Variants in NREP observed in about 807,000 individuals in gnomAD.
NREP encodes the protein neuronal regeneration related protein, also known as neuronal regeneration-related protein.
A neutral mutation model predicts 8.6 loss-of-function variants in NREP; 5 were observed. The observed-to-expected ratio is 0.58, with a 90% CI of 0.30 to 1.22. The LOEUF is 1.22. Among genes scored for constraint, NREP ranks in the 50% most tolerant of loss-of-function variants. The probability of loss-of-function intolerance (pLI) is 0.07; values close to 1 mark genes in which losing one functional copy is unlikely to be tolerated. For synonymous variants in NREP, 27 were observed against 28.0 expected, an observed-to-expected ratio of 0.96 and a Z score of 0.11; for missense variants, 86 against 82.5, an observed-to-expected ratio of 1.04 and a Z score of -0.17.
chr5:111,816,915 T>C (rs1192264882), intron 2 of NREP, among the ~76,000 whole-genome samples: 2 of 152,004 alleles, frequency 1.3e-5, no homozygotes, highest in African/African-American at 4.8e-5. Context: ...GTAAAAACGC[T>C]AGCTGAAATA....
At chr5:111,801,227 G>A (rs926211487) in intron 2 of NREP, among the ~76,000 whole-genome samples, 4 of 152,208 alleles carry the variant, frequency 2.6e-5, no homozygotes, top group African/African-American at 4.8e-5. Context: ...GTAGAAAAGG[G>A]AAGGATGAGA....
intron 2 of NREP, among the ~76,000 whole-genome samples, chr5:111,817,781 G>C (rs1167621030): frequency 1.4e-5 from 2 of 143,974 alleles, no homozygotes; most frequent in Admixed American, 7.0e-5. Context: ...CTCCAGCCTG[G>C]GCAACAGAGC....
intron 2 of NREP, among the ~76,000 whole-genome samples, chr5:111,898,825 A>G (rs1435604887): frequency 1.3e-5 from 2 of 152,208 alleles, no homozygotes; most frequent in Non-Finnish European, 2.9e-5. Flanking sequence ...CACAAAGAGA[A>G]TTCTGAAAAC....
intron 2 of NREP, among the ~76,000 whole-genome samples, chr5:111,946,783 A>C (rs534279547): frequency 1.8e-4 from 28 of 152,184 alleles, no homozygotes; most frequent in African/African-American, 6.3e-4. Context: ...GAATTAGGCC[A>C]ATCAGGAACC....
upstream of NREP, among the ~76,000 whole-genome samples, chr5:111,761,405 A>G (rs1019156780): frequency 1.3e-5 from 2 of 152,010 alleles, no homozygotes; most frequent in African/African-American, 4.8e-5. Flanking sequence ...CACTTCTTCA[A>G]TTTGCTAATT....
At chr5:111,953,712 G>A (rs754640816) in intron 2 of NREP, among the ~76,000 whole-genome samples, 17 of 152,058 alleles carry the variant, frequency 1.1e-4, no homozygotes, top group Admixed American at 4.6e-4. Context: ...AGGGAACAAT[G>A]AATTCTGCTT....
chr5:111,772,999 T>A (rs186745977), intron 2 of NREP, among the ~76,000 whole-genome samples: 89 of 152,316 alleles, frequency 5.8e-4, no homozygotes, highest in African/African-American at 2.1e-3. Context: ...TAAGTCAACA[T>A]AGTATTGATA....
intron 2 of NREP, among the ~76,000 whole-genome samples, chr5:111,947,497 C>G (rs1011889218): frequency 1.3e-5 from 2 of 151,778 alleles, no homozygotes; most frequent in South Asian, 2.1e-4. Context: ...ATAATAGATA[C>G]CATTTTTTGA....
At chr5:111,801,004 A>G (rs1751992666) in intron 2 of NREP, among the ~76,000 whole-genome samples, 1 of 152,208 alleles carries the variant, frequency 6.6e-6, no homozygotes, top group Admixed American at 6.5e-5. Flanking sequence ...AAACTTCTAT[A>G]TATTTATGAC....
intron 2 of NREP, among the ~76,000 whole-genome samples, chr5:111,789,171 A>G (rs1751682061): frequency 6.6e-6 from 1 of 152,176 alleles, no homozygotes; most frequent in South Asian, 2.1e-4. Context: ...ATATATGTGT[A>G]TGCCTGTGTA....
At chr5:111,801,323 G>A (rs1752001013) in intron 2 of NREP, among the ~76,000 whole-genome samples, 1 of 152,086 alleles carries the variant, frequency 6.6e-6, no homozygotes, top group South Asian at 2.1e-4. Flanking sequence ...GCTGAGAGAG[G>A]GGGTGCAGAG....
At chr5:111,939,914 G>A (rs1755784475) in intron 2 of NREP, 1 of 151,932 alleles carries the variant, frequency 6.6e-6, no homozygotes, top group South Asian at 2.1e-4. Flanking sequence ...ATAAGACAAG[G>A]TTATGTTTTG....
chr5:111,932,691 G>T (rs1755574913), intron 2 of NREP, among the ~76,000 whole-genome samples: 1 of 152,036 alleles, frequency 6.6e-6, no homozygotes, highest in Non-Finnish European at 1.5e-5. Context: ...AACTTACAGA[G>T]ATTTCTTAAA....
At chr5:111,805,599 T>C (rs1752121873) in intron 2 of NREP, among the ~76,000 whole-genome samples, 1 of 152,206 alleles carries the variant, frequency 6.6e-6, no homozygotes, top group African/African-American at 2.4e-5. Context: ...CGTATGTACA[T>C]ATATATGTGT....
chr5:111,746,236 T>A (rs907023199), intron 2 of NREP, among the ~76,000 whole-genome samples: 5 of 151,152 alleles, frequency 3.3e-5, no homozygotes, highest in African/African-American at 9.7e-5. Context: ...AAAGTGGTTA[T>A]CATTTTTTTT....
chr5:111,884,053 T>C (rs1754167935), intron 2 of NREP, among the ~76,000 whole-genome samples: 3 of 151,696 alleles, frequency 2.0e-5, no homozygotes, highest in African/African-American at 4.9e-5. Context: ...TTTGAAAGGA[T>C]CAACAAAACT....
At chr5:111,798,799 A>G (rs1751934290) in intron 2 of NREP, among the ~76,000 whole-genome samples, 1 of 149,558 alleles carries the variant, frequency 6.7e-6, no homozygotes. Flanking sequence ...ATACATATAT[A>G]TCACAGTTTC....
intron 2 of NREP, among the ~76,000 whole-genome samples, chr5:111,857,813 T>C (rs1330269795): frequency 1.3e-5 from 2 of 152,090 alleles, no homozygotes; most frequent in Non-Finnish European, 2.9e-5. Flanking sequence ...GCATATGCTG[T>C]TTTCTGTTTT....
intron 2 of NREP, among the ~76,000 whole-genome samples, chr5:111,781,013 TA>T (rs1397770225): frequency 1.3e-5 from 2 of 152,162 alleles, no homozygotes; most frequent in Admixed American, 1.3e-4. Context: ...CATCTTTTCT[TA>T]AAAAACTTTA....
Sources: gnomAD v4.1 joint callset for allele counts (sites outside exome capture counted in the v4.1 genomes callset) on GRCh38, gnomAD v4.1.1 for gene constraint, MANE v1.5 for transcripts, NCBI Gene and HGNC (gene_info 2026-07-23, HGNC 2026-07-21) for gene names.